Variants in RNF213 observed in about 807,000 individuals in gnomAD.
The protein encoded by RNF213 is ring finger protein 213, also known as E3 ubiquitin-protein ligase RNF213.
RNF213 carries 341 observed loss-of-function variants against 514.4 expected under a neutral mutation model. That is an observed-to-expected ratio of 0.66 (90% CI 0.61 to 0.73). RNF213 has a LOEUF of 0.73. Ranked by LOEUF, RNF213 falls within the 30% of genes least tolerant of loss-of-function variation. The probability of loss-of-function intolerance (pLI) is 0.00; values close to 1 mark genes in which losing one functional copy is unlikely to be tolerated. For missense variants in RNF213, 5,767 were observed against 6,615.6 expected (o/e 0.87, Z 4.45); for synonymous variants, 2,655 against 2,658.2 (o/e 1.00, Z 0.04).
Position 80,273,287 on chromosome 17 carries a change from A to G in RNF213, c.144A>G (p.Glu48=), listed in dbSNP as rs753901063. ...CAATGGCGTCGGCCTCGGAGGGTGA[A>G]ATGGAGTGTGGGCAGGAGCTGAAGG... ...NSTMASASEG[E]MECGQELKEE... is the part of the protein sequence containing the mutation. The change falls in exon 3 of 68, where the codon GAA becomes GAG. Residue 48 remains glutamate, a synonymous_variant. Transcript: ENST00000582970. 4 of 1,613,608 alleles carry G rather than the reference A, an allele frequency of 2.5e-6. No homozygotes were observed. The South Asian group carries it at 3.3e-5, about 13-fold the overall frequency.
rs1375643933 is a variant in RNF213 at position 80,339,478 on chromosome 17, A to G, written c.5111A>G (p.Tyr1704Cys). The G allele has an allele frequency of 6.5e-7, 1 of 1,537,268 alleles. No individual in the cohort carries two copies. Among genetic ancestry groups the G allele is most frequent in the Non-Finnish European group, 8.7e-7 (1 of 1,146,916 alleles). ...ATGGAGCACTTTTACCTGAACTTCT[A>G]CACGGCAGAGCAGCTGGTTTACCTG... ...KRMEHFYLNFYTAEQLVYLST... is the reference protein window; with the variant it reads ...KRMEHFYLNFCTAEQLVYLST... Residue 1704 changes from tyrosine (Y) to cysteine (C), a missense_variant, in exon 26 of 68, where the codon TAC (tyrosine) becomes TGC (cysteine). Physicochemically the swap from Tyr to Cys is radical, Grantham distance 194. Transcript: ENST00000582970.
intron 37 of RNF213, 85 bp downstream of exon 37, chr17:80,358,564 A>C: frequency 1.6e-6 from 2 of 1,264,512 alleles, no homozygotes; most frequent in Middle Eastern, 1.9e-4. Flanking sequence ...TGCTGGGTGA[A>C]ACGCAGCCCT....
chr17:80,373,261 C>A (rs1178469400), intron 49 of RNF213, 96 bp downstream of exon 49: 1 of 968,628 alleles, frequency 1.0e-6, no homozygotes, highest in South Asian at 1.5e-5. Context: ...CCTACCCCCC[C>A]CACACCCCAC....
intron 57 of RNF213, chr17:80,381,979 G>A: frequency 1.9e-6 from 1 of 516,142 alleles, no homozygotes; most frequent in Non-Finnish European, 3.6e-6. Flanking sequence ...ACCCCTGCCT[G>A]GCTAAGACCT....
chr17:80,280,028 C>T (rs1050044156), intron 3 of RNF213, among the ~76,000 whole-genome samples: 7 of 152,142 alleles, frequency 4.6e-5, no homozygotes, highest in African/African-American at 7.2e-5. Context: ...GGAGACTTAC[C>T]GAGCATCCAC....
rs1406995149 is a variant in RNF213 at position 80,281,468 on chromosome 17, ACT to A, written c.262-6345_262-6344del. Reference sequence around the variant, plus strand: ...CTGCAACATACACCCCACTCACAACACTCACACACCCCCCAACATACATACAC... The same window carrying A: ...CTGCAACATACACCCCACTCACAACACACACACCCCCCAACATACATACAC... On this transcript the variant is annotated intron_variant, in intron 3 of 67. Transcript: ENST00000582970. 7.6e-4 allele frequency among the ~76,000 whole-genome samples: 71 copies of A among 92,862 alleles called. 1 individual carries two copies. Among genetic ancestry groups the A allele is most frequent in the African/African-American group, 2.8e-3 (66 of 23,932 alleles). The allele number at this position is 92,862 out of a possible 152,430, so 60.9% of individuals were successfully genotyped here. A position where few individuals can be genotyped will look rare whatever the true frequency, so the allele number is the denominator to read the frequency against.
At chr17:80,283,248 G>A (rs2044359722) in intron 3 of RNF213, among the ~76,000 whole-genome samples, 1 of 152,158 alleles carries the variant, frequency 6.6e-6, no homozygotes, top group Non-Finnish European at 1.5e-5. Flanking sequence ...AGAAGTAAGT[G>A]GTCCCTAACT....
intron 3 of RNF213, among the ~76,000 whole-genome samples, chr17:80,286,194 TGGTGTCGGACGCAGGCC>T (rs949213202): frequency 4.7e-5 from 7 of 148,488 alleles, no homozygotes; most frequent in Admixed American, 2.7e-4. Context: ...GGCCTGGGGT[TGGTGTCGGACGCAGGCC>T]GGTGTTGGAC....
At chr17:80,378,725 G>A (rs567969061) in intron 54 of RNF213, among the ~76,000 whole-genome samples, 1 of 152,248 alleles carries the variant, frequency 6.6e-6, no homozygotes, top group East Asian at 1.9e-4. Flanking sequence ...AAATGAGGAC[G>A]CTGAAATAGA....
At chr17:80,304,916 A>AG (rs1454206987) in intron 11 of RNF213, among the ~76,000 whole-genome samples, 7 of 152,144 alleles carry the variant, frequency 4.6e-5, no homozygotes, top group Non-Finnish European at 1.0e-4. Flanking sequence ...CTCTGTCTCT[A>AG]GGATTTTGAC....
intron 9 of RNF213, 120 bp downstream of exon 9, chr17:80,295,123 C>A (rs990469265): frequency 3.5e-6 from 4 of 1,144,210 alleles, no homozygotes; most frequent in Non-Finnish European, 5.2e-6. Context: ...GTAGAACTTT[C>A]CAGCCTTTTC....
intron 38 of RNF213, 23 bp from the exon 39 acceptor site, chr17:80,361,711 G>T: frequency 6.2e-7 from 1 of 1,610,662 alleles, no homozygotes; most frequent in Non-Finnish European, 8.5e-7. Flanking sequence ...ACTCCAGGCC[G>T]CTCCTTGGTT....
intron 2 of RNF213, among the ~76,000 whole-genome samples, chr17:80,268,637 G>A (rs28767029): frequency 0.11 from 13,287 of 115,818 alleles, 965 homozygotes; most frequent in East Asian, 0.29. Context: ...CCATCCATCC[G>A]TTTATCTGTC....
intron 31 of RNF213, among the ~76,000 whole-genome samples, chr17:80,350,847 C>A (rs1478471396): frequency 6.6e-6 from 1 of 152,206 alleles, no homozygotes; most frequent in African/African-American, 2.4e-5. Flanking sequence ...GGAACATTAA[C>A]AAGCTATAAA....
In RNF213 at chr17:80,386,720, A is replaced by G; in HGVS notation, c.14751A>G (p.Glu4917=). ...SYSVDAAEVT[E]LHVISYEVER... is the part of the protein sequence containing the mutation. The stretch of plus-strand genomic sequence containing the variant: ...CCGTGGATGCCGCCGAGGTCACTGA[A>G]CTGCATGTCATCAGTTATGAAGTGG... The change falls in exon 63 of 68, where the codon GAA becomes GAG. Residue 4917 remains glutamate (E), a synonymous_variant. Transcript: ENST00000582970. The G allele has an allele frequency of 6.2e-7, 1 of 1,614,170 alleles. No individual in the cohort carries two copies. The highest frequency in any genetic ancestry group is 1.1e-5 in the South Asian group (1 of 91,080).
chr17:80,331,122 A>C (rs1282486502), intron 20 of RNF213, among the ~76,000 whole-genome samples: 1 of 151,926 alleles, frequency 6.6e-6, no homozygotes, highest in Admixed American at 6.6e-5. Context: ...CCCAGCCTGG[A>C]CCGTGTCTTA....
chr17:80,337,693 C>G lies in RNF213; in HGVS notation c.4635C>G (p.Ile1545Met), dbSNP rs907302136. ...CCACGGCCATCAACCAAAGAGGCAT[C>G]TATGTGATCCAGGCGCCCAAAGGTG... The part of the protein sequence containing the change: ...TLATAINQRG[I>M]YVIQAPKGGQ... The change falls in exon 24 of 68, where the codon ATC becomes ATG. Residue 1545 changes from isoleucine to methionine, a missense_variant. Physicochemically the swap from Ile to Met is conservative, Grantham distance 10. Around this residue, in one of 13 missense-constraint regions of RNF213, gnomAD observed 1,377 missense variants for 1,635.2 expected, o/e 0.84. Transcript: ENST00000582970. 1 of 1,537,308 alleles carries G rather than the reference C, an allele frequency of 6.5e-7. No homozygotes were observed. Among genetic ancestry groups the G allele is most frequent in the Non-Finnish European group, 8.7e-7 (1 of 1,146,920 alleles).
intron 21 of RNF213, among the ~76,000 whole-genome samples, chr17:80,332,975 C>T (rs2046457081): frequency 1.3e-5 from 2 of 152,090 alleles, no homozygotes; most frequent in Admixed American, 1.3e-4. Context: ...ACTTTGTCGG[C>T]TGCCCAACTG....
chr17:80,364,057 G>A lies in RNF213; in HGVS notation c.11750+267G>A, dbSNP rs4890016. ...AAGGCAGACGGGCTATTGTGATGCC[G>A]TGTGAGAAATGCTGTGGTAGAAAGG... On this transcript the variant is annotated intron_variant, in intron 41 of 67. Transcript: ENST00000582970. 1.5e-3 allele frequency among the ~76,000 whole-genome samples: 224 copies of A among 152,338 alleles called. 1 individual carries two copies. The highest frequency in any genetic ancestry group is 0.012 in the East Asian group (61 of 5,182).
Sources: allele counts gnomAD v4.1 joint callset (sites outside exome capture counted in the v4.1 genomes callset), GRCh38; gene constraint gnomAD v4.1.1; regional missense constraint gnomAD v4.1.1; transcripts MANE v1.5; gene names NCBI Gene and HGNC (gene_info 2026-07-23, HGNC 2026-07-21).